The following EFCAB6 variants were observed in gnomAD, a reference collection of about 807,000 sequenced individuals.
EFCAB6 encodes EF-hand calcium binding domain 6.
A neutral mutation model predicts 169.8 loss-of-function variants in EFCAB6; 156 were observed. The ratio of observed to expected loss-of-function variants is 0.92; its 90% CI spans 0.81 to 1.05. The LOEUF is 1.05. Ranked by LOEUF, EFCAB6 falls within the 50% of genes least tolerant of loss-of-function variation. The pLI is 0.00. For missense variants in EFCAB6, 1,800 were observed against 1,829.1 expected, an observed-to-expected ratio of 0.98 and a Z score of 0.29; for synonymous variants, 698 against 676.4, an observed-to-expected ratio of 1.03 and a Z score of -0.50.
intron 8 of EFCAB6, among the ~76,000 whole-genome samples, chr22:43,725,180 GC>G (rs2059682580): frequency 8.1e-6 from 1 of 123,596 alleles, no homozygotes; most frequent in Non-Finnish European, 1.6e-5. Context: ...CATTCTTGTT[GC>G]CCAGGCTGGA....
At chr22:43,630,424 G>A (rs1211619026) in intron 19 of EFCAB6, among the ~76,000 whole-genome samples, 1 of 152,216 alleles carries the variant, frequency 6.6e-6, no homozygotes, top group Admixed American at 6.5e-5. Context: ...GATATACGTT[G>A]GCTGTAGCCA....
At position 43,615,845 on chromosome 22, in the gene EFCAB6, CT is replaced by C; in HGVS notation, c.2542del (p.Arg848AspfsTer10). On this transcript the variant is annotated frameshift_variant, in exon 21 of 32. Transcript: ENST00000262726. LOFTEE classifies it high-confidence loss of function. ...HQYLVTKAKN[R>X]WSDLSKNFLE... ...TCTTACCTTAGACAAGTCTGACCAT[CT>C]GTTTTTTGCTTTGGTAACAAGATAC... 6.2e-7 allele frequency: 1 copy of C among 1,613,558 alleles called. No homozygotes were observed. The highest frequency in any genetic ancestry group is 8.5e-7 in the Non-Finnish European group (1 of 1,179,850).
At chr22:43,718,388 G>C (rs1215059328) in intron 8 of EFCAB6, among the ~76,000 whole-genome samples, 2 of 152,126 alleles carry the variant, frequency 1.3e-5, no homozygotes, top group Admixed American at 6.5e-5. Context: ...TTAACAAACT[G>C]CCAGTCATCT....
At chr22:43,680,794 T>C (rs1381692875) in intron 12 of EFCAB6, among the ~76,000 whole-genome samples, 1 of 152,232 alleles carries the variant, frequency 6.6e-6, no homozygotes, top group Non-Finnish European at 1.5e-5. Flanking sequence ...TGTATGTTAA[T>C]CTTATATTTC....
Position 43,628,087 on chromosome 22 carries a change from C to T in EFCAB6, c.2233-1408G>A, listed in dbSNP as rs921112127. 6.6e-6 allele frequency among the ~76,000 whole-genome samples: 1 copy of T among 152,054 alleles called. No individual in the cohort carries two copies. The highest frequency in any genetic ancestry group is 2.4e-5 in the African/African-American group (1 of 41,384). Reference sequence around the variant, plus strand: ...ACTCTCAGCCCCAAGCCGCCACCCCCCTGACCCACAGCCTCACATCTCCAG... The same window carrying T: ...ACTCTCAGCCCCAAGCCGCCACCCCTCTGACCCACAGCCTCACATCTCCAG... On this transcript the variant is annotated intron_variant, in intron 19 of 31. Coordinates refer to ENST00000262726, the MANE Select transcript of EFCAB6 (RefSeq NM_022785.4). This position sits in a 1 kb window ranked among gnomAD's most constrained non-coding sequence, Gnocchi z 4.8.
intron 6 of EFCAB6, among the ~76,000 whole-genome samples, chr22:43,754,149 T>G (rs1308549383): frequency 1.3e-5 from 2 of 152,230 alleles, no homozygotes; most frequent in African/African-American, 4.8e-5. Flanking sequence ...CTACCTGTAC[T>G]TCAAAGGAAG....
intron 10 of EFCAB6, among the ~76,000 whole-genome samples, chr22:43,710,788 C>A (rs545380339): frequency 1.1e-3 from 160 of 152,284 alleles, no homozygotes; most frequent in Non-Finnish European, 1.8e-3. Context: ...TTGTCCCCCC[C>A]ACTCCCCACA....
intron 2 of EFCAB6, among the ~76,000 whole-genome samples, chr22:43,797,550 T>G (rs2062556572): frequency 6.6e-6 from 1 of 151,714 alleles, no homozygotes; most frequent in South Asian, 2.1e-4. Context: ...GGGGGAGAGA[T>G]TTTATGTGAC....
rs2051936954 is a variant in EFCAB6 at position 43,595,588 on chromosome 22, C to T, written c.2876+4481G>A. Among the ~76,000 whole-genome samples the T allele has an allele frequency of 2.0e-5, 3 of 152,044 alleles. No homozygotes were observed. The South Asian group carries it at 6.2e-4, about 32-fold the overall frequency. ...TGAACACACCAACAATGAGTAACAA[C>T]ATCAAAGCAGTAATAAAAAGTTTCC... On this transcript the variant is annotated intron_variant, in intron 23 of 31. Coordinates refer to ENST00000262726, the MANE Select transcript of EFCAB6 (RefSeq NM_022785.4).
At chr22:43,686,239 C>CA in intron 11 of EFCAB6, among the ~76,000 whole-genome samples, 1 of 152,308 alleles carries the variant, frequency 6.6e-6, no homozygotes. Flanking sequence ...CTCAGCCTCC[C>CA]AACGTGCTGG....
intron 10 of EFCAB6, among the ~76,000 whole-genome samples, chr22:43,691,099 G>A (rs536212125): frequency 3.7e-4 from 57 of 152,248 alleles, no homozygotes; most frequent in Non-Finnish European, 7.4e-4. Context: ...TCATGAGAAA[G>A]AGAGACGGAG....
intron 17 of EFCAB6, among the ~76,000 whole-genome samples, chr22:43,643,889 T>C (rs1031130830): frequency 6.6e-6 from 1 of 152,012 alleles, no homozygotes; most frequent in African/African-American, 2.4e-5. Flanking sequence ...AGTAGCGTGA[T>C]CTCGGCTCAC....
rs927122405 is a variant in EFCAB6 at position 43,812,248 on chromosome 22, C to G, written c.-225G>C. 2 of 152,314 alleles carry G rather than the reference C, an allele frequency of 1.3e-5. No individual in the cohort carries two copies. Among genetic ancestry groups the G allele is most frequent in the Non-Finnish European group, 2.9e-5 (2 of 68,088 alleles). The allele number at this position is 152,314 out of a possible 1,614,324, so 9.4% of individuals were successfully genotyped here. On this transcript the variant is annotated 5_prime_UTR_variant, in exon 1 of 32. Coordinates refer to ENST00000262726, the MANE Select transcript of EFCAB6 (RefSeq NM_022785.4). The stretch of plus-strand genomic sequence containing the variant: ...CCCAAGCCGCGGGGTCTCAGAGGGG[C>G]TGCCCATTCGGCGTCTCTAGGACGC...
At chr22:43,791,869 G>C (rs2062305613) in intron 2 of EFCAB6, among the ~76,000 whole-genome samples, 1 of 152,210 alleles carries the variant, frequency 6.6e-6, no homozygotes, top group Non-Finnish European at 1.5e-5. Context: ...CAAGATGGGA[G>C]AATCAGCAGC....
intron 2 of EFCAB6, among the ~76,000 whole-genome samples, chr22:43,805,184 G>C (rs1425863647): frequency 6.6e-6 from 1 of 152,078 alleles, no homozygotes; most frequent in African/African-American, 2.4e-5. Flanking sequence ...TTGATACAAG[G>C]AAAACTATAA....
At chr22:43,703,546 A>G (rs1010822305) in intron 10 of EFCAB6, among the ~76,000 whole-genome samples, 7 of 152,192 alleles carry the variant, frequency 4.6e-5, no homozygotes, top group African/African-American at 1.4e-4. Flanking sequence ...CAAGGAATTC[A>G]GAACAATCCT....
At chr22:43,788,996 C>T (rs1569490347) in intron 2 of EFCAB6, among the ~76,000 whole-genome samples, 1 of 152,114 alleles carries the variant, frequency 6.6e-6, no homozygotes, top group Non-Finnish European at 1.5e-5. Flanking sequence ...CTGTATCATT[C>T]CATTTATATA....
intron 26 of EFCAB6, among the ~76,000 whole-genome samples, chr22:43,575,188 T>TGTC (rs1491172571): frequency 6.7e-6 from 1 of 149,694 alleles, no homozygotes; most frequent in Non-Finnish European, 1.5e-5. Context: ...TTGTTGTTGT[T>TGTC]GTTGTTTGTT....
chr22:43,715,965 G>C (rs1170996314), intron 9 of EFCAB6, among the ~76,000 whole-genome samples: 3 of 152,132 alleles, frequency 2.0e-5, no homozygotes, highest in Non-Finnish European at 4.4e-5. Flanking sequence ...TTATTCATCT[G>C]TCATTTATGT....
Sources: gnomAD v4.1 joint callset for allele counts (sites outside exome capture counted in the v4.1 genomes callset) on GRCh38, gnomAD v4.1.1 for gene constraint, Gnocchi (gnomAD v3.1) non-coding constraint, MANE v1.5 for transcripts, NCBI Gene and HGNC (gene_info 2026-07-23, HGNC 2026-07-21) for gene names.